Variants in SDK1 observed in about 807,000 individuals in gnomAD.
SDK1 encodes sidekick cell adhesion molecule 1, also known as protein sidekick-1.
In SDK1, 157 loss-of-function variants were observed where a neutral mutation model predicts 245.5. The observed-to-expected ratio is 0.64, with a 90% CI of 0.56 to 0.73. The LOEUF (loss-of-function observed/expected upper bound fraction) is 0.73. Ranked by LOEUF, SDK1 falls within the 30% of genes least tolerant of loss-of-function variation. The pLI, the probability that SDK1 is intolerant of heterozygous loss-of-function variation, is 0.00. For synonymous variants in SDK1, 1,647 were observed against 1,278.5 expected (o/e 1.29, Z -6.15); for missense variants, 3,583 against 3,002.3 (o/e 1.19, Z -4.52).
chr7:3,549,761 C>A (rs574593549), intron 1 of SDK1, among the ~76,000 whole-genome samples: 5 of 152,104 alleles, frequency 3.3e-5, no homozygotes, highest in Admixed American at 2.0e-4. Flanking sequence ...TATTAATGCA[C>A]GTCAAGGCAC....
intron 22 of SDK1, among the ~76,000 whole-genome samples, chr7:4,106,217 A>T (rs758465799): frequency 2.8e-4 from 42 of 152,196 alleles, no homozygotes; most frequent in Middle Eastern, 3.4e-3. Flanking sequence ...GGGCCTAGCA[A>T]TGGCTCCCTC....
chr7:3,820,237 C>T (rs1779611021), intron 4 of SDK1, among the ~76,000 whole-genome samples: 2 of 152,136 alleles, frequency 1.3e-5, no homozygotes, highest in African/African-American at 4.8e-5. Context: ...TCAGCCTCCG[C>T]CTCCCAGGTT....
intron 1 of SDK1, among the ~76,000 whole-genome samples, chr7:3,500,962 T>C (rs11773388): frequency 0.33 from 50,566 of 152,014 alleles, 8,978 homozygotes; most frequent in South Asian, 0.44. Context: ...AAGCATTTTT[T>C]AATATCTGAT....
At position 3,958,945 on chromosome 7, in the gene SDK1, A is replaced by G. The variant is rs1368674089; in HGVS notation, c.1165A>G (p.Thr389Ala). 3.1e-6 allele frequency: 5 copies of G among 1,613,718 alleles called. No homozygotes were observed. In the African/African-American group the frequency reaches 6.7e-5, roughly 22 times the overall value. Residue 389 changes from threonine to alanine, a missense_variant, in exon 8 of 45, where the codon ACT becomes GCT. Physicochemically the swap from Thr to Ala is moderately conservative, Grantham distance 58 (BLOSUM62 0). Transcript: ENST00000404826. ...CTTGTTTGAAGAGCCACCATATTTT[A>G]CTGCTGAGCCCGAGAGTCGGATTTC... ...FLFIIEPPYF[T>A]AEPESRISAE...
rs746967075 is a variant in SDK1 at position 4,029,228 on chromosome 7, T to TTTTTTTTTTTTTG, written c.2602+11877_2602+11878insTTTTTTTTTTTGT. ...TTTTATTCTTTCTTTTTTTTTTTTT[T>TTTTTTTTTTTTTG]TGTGAAGAAGTCTCACTCTGTCATC... On this transcript the variant is annotated intron_variant, in intron 17 of 44. Transcript: ENST00000404826. 6.5e-3 allele frequency among the ~76,000 whole-genome samples: 727 copies of TTTTTTTTTTTTTG among 112,012 alleles called. 95 individuals carry two copies. Among genetic ancestry groups the TTTTTTTTTTTTTG allele is most frequent in the African/African-American group, 0.033 (666 of 20,038 alleles). The allele number at this position is 112,012 out of a possible 152,430, so 73.5% of individuals were successfully genotyped here.
intron 1 of SDK1, among the ~76,000 whole-genome samples, chr7:3,537,980 G>C (rs1778936700): frequency 6.6e-6 from 1 of 152,202 alleles, no homozygotes. Context: ...CAGTCACCTA[G>C]TTTGCATGTG....
chr7:3,624,001 G>A (rs556810548), intron 2 of SDK1, among the ~76,000 whole-genome samples: 2 of 152,172 alleles, frequency 1.3e-5, no homozygotes, highest in African/African-American at 2.4e-5. Context: ...ACATTTCACA[G>A]TATCAATAAA....
chr7:3,494,447 T>A (rs1048929228), intron 1 of SDK1, among the ~76,000 whole-genome samples: 1 of 152,140 alleles, frequency 6.6e-6, no homozygotes, highest in South Asian at 2.1e-4. Context: ...GTATCAACAT[T>A]ATGGGAAGAC....
intron 5 of SDK1, among the ~76,000 whole-genome samples, chr7:3,848,480 A>C (rs993492844): frequency 6.6e-6 from 1 of 152,158 alleles, no homozygotes; most frequent in Non-Finnish European, 1.5e-5. Flanking sequence ...AGCTGGAGTC[A>C]GGCAGGCTTC....
intron 1 of SDK1, among the ~76,000 whole-genome samples, chr7:3,607,478 G>T (rs893012430): frequency 6.6e-5 from 10 of 152,180 alleles, no homozygotes; most frequent in African/African-American, 9.7e-5. Flanking sequence ...ATCCTATTCT[G>T]TGTTCCTTTT....
rs182374817 is a variant in SDK1, at chr7:3,900,527, C to T, written c.848-50396C>T. 1.6e-4 allele frequency among the ~76,000 whole-genome samples: 24 copies of T among 152,292 alleles called. No individual in the cohort carries two copies. In the East Asian group the frequency reaches 1.9e-3, roughly 12 times the overall value. ...TGCCCATCCTTCTTGGCTTCATATC[C>T]TTATAGAATTTCTCCTTCAGAAATC... On this transcript the variant is annotated intron_variant, in intron 5 of 44. Coordinates refer to ENST00000404826, the MANE Select transcript of SDK1 (RefSeq NM_152744.4).
At chr7:4,119,013 G>A (rs1321003430) in intron 25 of SDK1, among the ~76,000 whole-genome samples, 1 of 148,270 alleles carries the variant, frequency 6.7e-6, no homozygotes, top group East Asian at 1.9e-4. Context: ...TCATGATGAT[G>A]GTTACACAAC....
intron 5 of SDK1, among the ~76,000 whole-genome samples, chr7:3,945,760 G>C (rs375487016): frequency 1.3e-5 from 2 of 151,694 alleles, no homozygotes; most frequent in African/African-American, 2.4e-5. Flanking sequence ...TAAGCCAGGC[G>C]TGATGGCAGG....
intron 22 of SDK1, among the ~76,000 whole-genome samples, chr7:4,110,385 G>A (rs1200573482): frequency 6.6e-6 from 1 of 152,214 alleles, no homozygotes; most frequent in Non-Finnish European, 1.5e-5. Context: ...TCAGAGGTTT[G>A]TTCCCAGGGG....
At chr7:3,439,913 C>A (rs187510770) in intron 1 of SDK1, among the ~76,000 whole-genome samples, 11 of 140,454 alleles carry the variant, frequency 7.8e-5, no homozygotes, top group African/African-American at 2.5e-4. Flanking sequence ...TACATTAACT[C>A]CCAAACTACC....
chr7:3,860,582 T>G (rs1322152242), intron 5 of SDK1, among the ~76,000 whole-genome samples: 1 of 152,240 alleles, frequency 6.6e-6, no homozygotes, highest in East Asian at 1.9e-4. Flanking sequence ...CAGCCATTTT[T>G]GGGAGCAATT....
chr7:3,788,673 A>C (rs935418708), intron 4 of SDK1, among the ~76,000 whole-genome samples: 2 of 152,202 alleles, frequency 1.3e-5, no homozygotes, highest in Non-Finnish European at 2.9e-5. Flanking sequence ...GCTAGGAAAA[A>C]AATCTCATAA....
chr7:3,406,851 G>A (rs1779067968), intron 1 of SDK1, among the ~76,000 whole-genome samples: 2 of 152,128 alleles, frequency 1.3e-5, no homozygotes, highest in African/African-American at 4.8e-5. Context: ...ATTGAATCGA[G>A]GAGTTTCTAT....
At chr7:3,812,756 G>C (rs1779416385) in intron 4 of SDK1, among the ~76,000 whole-genome samples, 1 of 152,134 alleles carries the variant, frequency 6.6e-6, no homozygotes, top group African/African-American at 2.4e-5. Context: ...TCACAGTTCT[G>C]AAGTTTAATG....
Sources: gnomAD v4.1 joint callset for allele counts (sites outside exome capture counted in the v4.1 genomes callset) on GRCh38, gnomAD v4.1.1 for gene constraint, MANE v1.5 for transcripts, NCBI Gene and HGNC (gene_info 2026-07-23, HGNC 2026-07-21) for gene names.